The following COBL variants were observed in gnomAD, a reference collection of about 807,000 sequenced individuals.
COBL encodes protein cordon-bleu.
Under a neutral mutation model 98.8 loss-of-function variants are expected in COBL, and 51 were observed. The ratio of observed to expected loss-of-function variants is 0.52; its 90% CI spans 0.41 to 0.65. The LOEUF (loss-of-function observed/expected upper bound fraction) is 0.65, where lower values mean the gene tolerates loss of function less well. Ranked by LOEUF, COBL falls within the 30% of genes least tolerant of loss-of-function variation. COBL has a pLI of 0.00. For synonymous variants in COBL, 634 were observed against 651.7 expected, an observed-to-expected ratio of 0.97 and a Z score of 0.41; for missense variants, 1,617 against 1,617.5, an observed-to-expected ratio of 1.00 and a Z score of 0.01.
chr7:51,082,366 T>C (rs144505520), intron 7 of COBL, among the ~76,000 whole-genome samples: 1 of 152,100 alleles, frequency 6.6e-6, no homozygotes, highest in East Asian at 1.9e-4. Flanking sequence ...CATAATGCCA[T>C]GGAGTGTAGA....
intron 1 of COBL, among the ~76,000 whole-genome samples, chr7:51,305,843 G>A (rs955591310): frequency 1.1e-4 from 16 of 152,050 alleles, no homozygotes; most frequent in Non-Finnish European, 1.6e-4. Context: ...AGACCAGCCC[G>A]GCCAACATGG....
At position 51,171,723 on chromosome 7, in the gene COBL, A is replaced by C. The variant is rs1787894337; in HGVS notation, c.783+12379T>G. ...ACTTACAGTTTTATAATCACATCAA[A>C]TAAAAAATATAACTTAGATATTTTA... On this transcript the variant is annotated intron_variant, in intron 5 of 12. Transcript: ENST00000265136. Among the ~76,000 whole-genome samples, 7 of 152,302 alleles carry C rather than the reference A, an allele frequency of 4.6e-5. No individual in the cohort carries two copies. In the South Asian group the frequency reaches 1.5e-3, roughly 32 times the overall value.
chr7:51,205,650 T>TG (rs954889460), intron 2 of COBL, among the ~76,000 whole-genome samples: 10 of 150,496 alleles, frequency 6.6e-5, no homozygotes, highest in East Asian at 1.9e-4. Context: ...GTTTTTTGTT[T>TG]TTTTTTTTTT....
chr7:51,288,967 T>C (rs1418512233), intron 1 of COBL, among the ~76,000 whole-genome samples: 1 of 151,954 alleles, frequency 6.6e-6, no homozygotes, highest in Admixed American at 6.5e-5. Context: ...AAGAACAATA[T>C]AAAATAGTCC....
intron 8 of COBL, chr7:51,035,651 T>C (rs1002503330): frequency 6.6e-6 from 1 of 152,188 alleles, no homozygotes; most frequent in Non-Finnish European, 1.5e-5. Context: ...ACATTGAAAA[T>C]GTATAAAGAA....
chr7:51,231,114 C>T (rs756787058), intron 1 of COBL, among the ~76,000 whole-genome samples: 1 of 152,234 alleles, frequency 6.6e-6, no homozygotes, highest in African/African-American at 2.4e-5. Context: ...GGGATAACTA[C>T]ACCTTCTCCA....
intron 6 of COBL, among the ~76,000 whole-genome samples, chr7:51,116,659 CTCTT>C (rs1797295350): frequency 6.6e-6 from 1 of 152,052 alleles, no homozygotes. Flanking sequence ...ATTTCTGACA[CTCTT>C]TATGTCTTTC....
chr7:51,108,178 C>T (rs551083183), intron 6 of COBL, among the ~76,000 whole-genome samples: 9 of 152,234 alleles, frequency 5.9e-5, no homozygotes, highest in African/African-American at 1.9e-4. Flanking sequence ...CAAGGATCCT[C>T]GGGCCAACAT....
At chr7:51,100,101 C>A (rs1462403117) in intron 6 of COBL, among the ~76,000 whole-genome samples, 1 of 152,174 alleles carries the variant, frequency 6.6e-6, no homozygotes, top group Non-Finnish European at 1.5e-5. Flanking sequence ...AGCCATAACA[C>A]CTTGGCTTTA....
chr7:51,149,062 T>C (rs1318920306), intron 5 of COBL, among the ~76,000 whole-genome samples: 3 of 152,196 alleles, frequency 2.0e-5, no homozygotes, highest in South Asian at 2.1e-4. Flanking sequence ...AGGTTTGCTA[T>C]AAACCCCAAG....
In COBL at chr7:51,158,654, G is replaced by A. The variant is rs114874565; in HGVS notation, c.784-22323C>T. Among the ~76,000 whole-genome samples, 1,099 of 152,264 alleles carry A rather than the reference G, an allele frequency of 7.2e-3. 12 individuals are homozygous for A. The highest frequency in any genetic ancestry group is 0.025 in the African/African-American group (1,046 of 41,546). ...TGCCACTAGGAACAGAGCACGGTGGGAGGCTGGGAAAGTGTCCGCCCCTGC... is the reference window on the plus strand; with the variant it reads ...TGCCACTAGGAACAGAGCACGGTGGAAGGCTGGGAAAGTGTCCGCCCCTGC... On this transcript the variant is annotated intron_variant, in intron 5 of 12. Transcript: ENST00000265136.
chr7:51,162,523 C>A (rs1786915908), intron 5 of COBL, among the ~76,000 whole-genome samples: 1 of 152,014 alleles, frequency 6.6e-6, no homozygotes, highest in African/African-American at 2.4e-5. Flanking sequence ...TAATGCAAAT[C>A]TATTCTCATA....
intron 7 of COBL, among the ~76,000 whole-genome samples, chr7:51,051,094 C>A (rs572456802): frequency 5.3e-5 from 8 of 152,126 alleles, no homozygotes; most frequent in Non-Finnish European, 1.5e-5. Flanking sequence ...AGCTCTCTTG[C>A]GTCTGAAGGC....
chr7:51,173,472 C>T (rs1204517675), intron 5 of COBL, among the ~76,000 whole-genome samples: 2 of 152,168 alleles, frequency 1.3e-5, no homozygotes, highest in South Asian at 4.1e-4. Flanking sequence ...TGTTGGCCAC[C>T]GCTCCTGGCC....
At chr7:51,228,167 C>A (rs939216890) in intron 1 of COBL, among the ~76,000 whole-genome samples, 3 of 152,062 alleles carry the variant, frequency 2.0e-5, no homozygotes, top group Non-Finnish European at 4.4e-5. Context: ...CCAGCCACGA[C>A]GTGGCCACGC....
At chr7:51,181,666 T>G (rs1788967062) in intron 5 of COBL, among the ~76,000 whole-genome samples, 1 of 152,256 alleles carries the variant, frequency 6.6e-6, no homozygotes, top group Non-Finnish European at 1.5e-5. Flanking sequence ...CTATATTAAT[T>G]TTGAGTCAGT....
At chr7:51,127,388 T>G (rs1414421095) in intron 6 of COBL, among the ~76,000 whole-genome samples, 2 of 152,198 alleles carry the variant, frequency 1.3e-5, no homozygotes, top group African/African-American at 4.8e-5. Flanking sequence ...CTTATGACTT[T>G]GGAAAGAATT....
intron 7 of COBL, chr7:51,073,351 C>A: frequency 1.4e-6 from 1 of 698,002 alleles, no homozygotes; most frequent in Non-Finnish European, 2.6e-6. Flanking sequence ...ATCAGAAGCG[C>A]TTGGCCTGAG....
chr7:51,146,290 T>A lies in COBL; in HGVS notation c.784-9959A>T, dbSNP rs571055256. ...GGGTACTCTATTATTAATTAACAAA[T>A]AATTAATCAGCCCCTCCTTGGGGCT... On this transcript the variant is annotated intron_variant, in intron 5 of 12. Transcript: ENST00000265136. Among the ~76,000 whole-genome samples, 4 of 152,304 alleles carry A rather than the reference T, an allele frequency of 2.6e-5. No individual in the cohort carries two copies. In the South Asian group the frequency reaches 8.3e-4, roughly 32 times the overall value.
Sources: allele counts gnomAD v4.1 joint callset (sites outside exome capture counted in the v4.1 genomes callset), GRCh38; gene constraint gnomAD v4.1.1; transcripts MANE v1.5; gene names NCBI Gene and HGNC (gene_info 2026-07-23, HGNC 2026-07-21).